Variants in CYB5A observed in about 807,000 individuals in gnomAD.
CYB5A encodes the protein cytochrome b5 type A, also known as cytochrome b5.
CYB5A carries 10 observed loss-of-function variants against 16.2 expected under a neutral mutation model. The ratio of observed to expected loss-of-function variants is 0.62; its 90% CI spans 0.38 to 1.04. CYB5A has a LOEUF of 1.04. CYB5A is among the 50% of genes least tolerant of loss of function. The pLI, the probability that CYB5A is intolerant of heterozygous loss-of-function variation, is 0.01. For synonymous variants in CYB5A, 62 were observed against 57.0 expected (o/e 1.09, Z -0.40); for missense variants, 161 against 165.9 (o/e 0.97, Z 0.16).
At chr18:74,256,238 A>G (rs1411981085) in intron 3 of CYB5A, 7 of 173,268 alleles carry the variant, frequency 4.0e-5, no homozygotes, top group Non-Finnish European at 8.6e-5. Flanking sequence ...CATTAAATAT[A>G]TGTGAACCAA....
At position 74,279,950 on chromosome 18, in the gene CYB5A, T is replaced by C. The variant is rs1599263470; in HGVS notation, c.129+11797A>G. Reference sequence around the variant, plus strand: ...AAGTCCTGCATTCACAGAGCATACATTTCTAGTGGAAGGACACAGAGAAGC... The same window carrying C: ...AAGTCCTGCATTCACAGAGCATACACTTCTAGTGGAAGGACACAGAGAAGC... On this transcript the variant is annotated intron_variant, in intron 1 of 4. Transcript: ENST00000340533. Among the ~76,000 whole-genome samples the C allele has an allele frequency of 2.0e-5, 3 of 152,226 alleles. No individual in the cohort carries two copies. The East Asian group carries it at 5.8e-4, about 29-fold the overall frequency.
At chr18:74,289,016 G>A (rs912201720) in intron 1 of CYB5A, among the ~76,000 whole-genome samples, 16 of 152,156 alleles carry the variant, frequency 1.1e-4, no homozygotes, top group Non-Finnish European at 2.1e-4. Context: ...CGCAATGCCT[G>A]AAGATCCCTC....
chr18:74,258,814 G>T (rs933778104), intron 3 of CYB5A: 3 of 152,220 alleles, frequency 2.0e-5, no homozygotes, highest in African/African-American at 7.2e-5. Flanking sequence ...ATACTCAGAA[G>T]TTAGTTAATC....
At chr18:74,259,910 A>G (rs1982131545) in intron 3 of CYB5A, 1 of 151,068 alleles carries the variant, frequency 6.6e-6, no homozygotes, top group Non-Finnish European at 1.5e-5. Context: ...TATCATTCAC[A>G]TTGAACTTAA....
chr18:74,288,134 C>A (rs948716079), intron 1 of CYB5A, among the ~76,000 whole-genome samples: 3 of 152,202 alleles, frequency 2.0e-5, no homozygotes, highest in African/African-American at 7.2e-5. Context: ...TAGGTTTCTA[C>A]CCCTCCGCCT....
chr18:74,284,775 C>T lies in CYB5A; in HGVS notation c.129+6972G>A, dbSNP rs137862310. The stretch of plus-strand genomic sequence containing the variant: ...ATCCCTCGCCCCCTCCAGAGCCTCC[C>T]CAGCGTCAGTGCTGGTTCAGATGCC... On this transcript the variant is annotated intron_variant, in intron 1 of 4. Coordinates refer to ENST00000340533, the MANE Select transcript of CYB5A (RefSeq NM_148923.4). Among the ~76,000 whole-genome samples, 507 of 152,304 alleles carry T rather than the reference C, an allele frequency of 3.3e-3. 2 individuals are homozygous for T. Among genetic ancestry groups the T allele is most frequent in the African/African-American group, 0.011 (452 of 41,564 alleles).
At chr18:74,270,515 C>T (rs925433317) in intron 1 of CYB5A, among the ~76,000 whole-genome samples, 2 of 152,166 alleles carry the variant, frequency 1.3e-5, no homozygotes, top group Non-Finnish European at 2.9e-5. Flanking sequence ...GTACTTGTCA[C>T]TACCTACAAT....
chr18:74,265,512 A>G (rs1278155521), intron 1 of CYB5A, among the ~76,000 whole-genome samples: 1 of 152,214 alleles, frequency 6.6e-6, no homozygotes, highest in African/African-American at 2.4e-5. Context: ...TGTGTCTGGC[A>G]CATCGTTTAT....
chr18:74,281,413 G>A (rs144430164), intron 1 of CYB5A, among the ~76,000 whole-genome samples: 68 of 152,326 alleles, frequency 4.5e-4, no homozygotes, highest in African/African-American at 1.5e-3. Flanking sequence ...CCAGGCCCCA[G>A]GGGGGCCCTC....
chr18:74,266,690 A>T (rs1465108059), intron 1 of CYB5A, among the ~76,000 whole-genome samples: 3 of 152,204 alleles, frequency 2.0e-5, no homozygotes, highest in African/African-American at 7.2e-5. Flanking sequence ...GTATGTATGA[A>T]TCTACCTATC....
chr18:74,280,933 C>T (rs572021573), intron 1 of CYB5A, among the ~76,000 whole-genome samples: 18 of 152,114 alleles, frequency 1.2e-4, no homozygotes, highest in Admixed American at 2.6e-4. Context: ...ACAGAGTATA[C>T]GGACTGACCC....
At position 74,263,384 on chromosome 18, in the gene CYB5A, T is replaced by C. The variant is rs1413736557; in HGVS notation, c.223A>G (p.Met75Val). 6.2e-7 allele frequency: 1 copy of C among 1,614,116 alleles called. No individual in the cohort carries two copies. The highest frequency in any genetic ancestry group is 1.1e-5 in the South Asian group (1 of 91,086). ...TCCCCAATGATGAATGTTTTGGACATTTCCCTGGCATCTGTAGAGTGCCCG... is the reference window on the plus strand; with the variant it reads ...TCCCCAATGATGAATGTTTTGGACACTTCCCTGGCATCTGTAGAGTGCCCG... ...DVGHSTDARE[M>V]SKTFIIGELH... is the part of the protein sequence containing the mutation. Residue 75 changes from methionine to valine, a missense_variant, in exon 2 of 5, where the codon ATG (methionine) becomes GTG (valine). Met to Val is a conservative substitution (Grantham distance 21). Transcript: ENST00000340533.
At chr18:74,275,896 C>T (rs1009442919) in intron 1 of CYB5A, among the ~76,000 whole-genome samples, 1 of 152,190 alleles carries the variant, frequency 6.6e-6, no homozygotes. Flanking sequence ...CGTCGCCACA[C>T]AGTAGGGTGG....
intron 1 of CYB5A, 97 bp from the exon 2 acceptor site, chr18:74,263,574 A>T: frequency 9.9e-7 from 1 of 1,013,850 alleles, no homozygotes; most frequent in South Asian, 1.3e-5. Flanking sequence ...TGACTCCTTC[A>T]GAAGACACAG....
chr18:74,271,482 TTA>T (rs1386832741), intron 1 of CYB5A, among the ~76,000 whole-genome samples: 1 of 152,216 alleles, frequency 6.6e-6, no homozygotes, highest in Non-Finnish European at 1.5e-5. Context: ...GATTCTCACC[TTA>T]TCTTTTTTAA....
intron 2 of CYB5A, among the ~76,000 whole-genome samples, chr18:74,262,207 A>T (rs1599249382): frequency 6.6e-6 from 1 of 152,154 alleles, no homozygotes; most frequent in South Asian, 2.1e-4. Flanking sequence ...TAATCCTAGC[A>T]CTCTGGGAGG....
chr18:74,287,195 T>A (rs1347026803), intron 1 of CYB5A, among the ~76,000 whole-genome samples: 4 of 151,746 alleles, frequency 2.6e-5, no homozygotes, highest in African/African-American at 9.8e-5. Context: ...TAAATAATAA[T>A]AATGTTCCCA....
At chr18:74,255,637 C>T in intron 4 of CYB5A, 104 bp downstream of exon 4, 1 of 928,832 alleles carries the variant, frequency 1.1e-6, no homozygotes, top group Non-Finnish European at 1.8e-6. Flanking sequence ...TGAGACAGCA[C>T]AGTGTCAGGC....
At chr18:74,287,044 T>G (rs1254008651) in intron 1 of CYB5A, among the ~76,000 whole-genome samples, 1 of 152,152 alleles carries the variant, frequency 6.6e-6, no homozygotes, top group Admixed American at 6.5e-5. Flanking sequence ...GGGTTCACAT[T>G]CCCCAGGTGG....
Sources: gnomAD v4.1 joint callset for allele counts (sites outside exome capture counted in the v4.1 genomes callset) on GRCh38, gnomAD v4.1.1 for gene constraint, MANE v1.5 for transcripts, NCBI Gene and HGNC (gene_info 2026-07-23, HGNC 2026-07-21) for gene names.